Variants in SCD5 observed in about 807,000 individuals in gnomAD.
The protein encoded by SCD5 is acyl-CoA-desaturase 4.
In SCD5, 20 loss-of-function variants were observed where a neutral mutation model predicts 30.4. That is an observed-to-expected ratio of 0.66 (90% confidence interval 0.46 to 0.96). The LOEUF is 0.96. SCD5 is among the 40% of genes least tolerant of loss of function. The pLI is 0.00. For missense variants in SCD5, 381 were observed against 443.3 expected (o/e 0.86, Z 1.26); for synonymous variants, 173 against 176.4 (o/e 0.98, Z 0.16).
At chr4:82,737,001 G>T (rs1720765820) in intron 1 of SCD5, among the ~76,000 whole-genome samples, 1 of 151,906 alleles carries the variant, frequency 6.6e-6, no homozygotes, top group African/African-American at 2.4e-5. Flanking sequence ...TAATTTTTAG[G>T]GTTTTTTTTC....
At chr4:82,747,068 TG>T (rs1390159620) in intron 1 of SCD5, among the ~76,000 whole-genome samples, 114 of 81,288 alleles carry the variant, frequency 1.4e-3, no homozygotes, top group African/African-American at 3.2e-3. Flanking sequence ...CTGGGCAACC[TG>T]CCCCCCAAGA....
At chr4:82,793,298 G>A (rs546538448) in intron 1 of SCD5, among the ~76,000 whole-genome samples, 1 of 152,294 alleles carries the variant, frequency 6.6e-6, no homozygotes, top group East Asian at 1.9e-4. Flanking sequence ...GTAACTGGCT[G>A]TGCTCAAAAA....
chr4:82,779,864 C>T (rs1031884279), intron 1 of SCD5, among the ~76,000 whole-genome samples: 1 of 152,214 alleles, frequency 6.6e-6, no homozygotes, highest in African/African-American at 2.4e-5. Context: ...ACAGTGAGTC[C>T]ATCATCAAAC....
At chr4:82,721,589 G>A (rs1162184276) in intron 1 of SCD5, among the ~76,000 whole-genome samples, 1 of 152,202 alleles carries the variant, frequency 6.6e-6, no homozygotes, top group African/African-American at 2.4e-5. Flanking sequence ...CTCATAGGAA[G>A]AGGAAATTTA....
intron 4 of SCD5, among the ~76,000 whole-genome samples, chr4:82,634,686 C>T (rs1164817682): frequency 6.6e-6 from 1 of 152,160 alleles, no homozygotes; most frequent in East Asian, 1.9e-4. Flanking sequence ...ATAACCAATA[C>T]CTAGCTCCTT....
chr4:82,656,085 C>G (rs868614362), intron 3 of SCD5, among the ~76,000 whole-genome samples: 3 of 152,016 alleles, frequency 2.0e-5, no homozygotes, highest in Non-Finnish European at 2.9e-5. Flanking sequence ...TTTGATAAGA[C>G]TACTTATATA....
chr4:82,684,708 T>A (rs527288572), intron 2 of SCD5, among the ~76,000 whole-genome samples: 31 of 152,142 alleles, frequency 2.0e-4, no homozygotes, highest in African/African-American at 7.5e-4. Flanking sequence ...TGAATGGAGA[T>A]CAACTGTACT....
rs72925451 is a variant in SCD5, at chr4:82,796,311, G to C, written c.232+1995C>G. On this transcript the variant is annotated intron_variant, in intron 1 of 4. Coordinates refer to ENST00000319540, the MANE Select transcript of SCD5 (RefSeq NM_001037582.3). Reference sequence around the variant, plus strand: ...CTTAGGAAATAGCAGATGAAGCACAGGCAGAATTTATCCAGGAAGGTATGG... The same window carrying C: ...CTTAGGAAATAGCAGATGAAGCACACGCAGAATTTATCCAGGAAGGTATGG... 5.4e-3 allele frequency among the ~76,000 whole-genome samples: 816 copies of C among 151,942 alleles called. 13 individuals carry two copies. Among genetic ancestry groups the C allele is most frequent in the African/African-American group, 0.019 (784 of 41,408 alleles).
At chr4:82,761,701 G>C (rs1475900127) in intron 1 of SCD5, among the ~76,000 whole-genome samples, 1 of 151,950 alleles carries the variant, frequency 6.6e-6, no homozygotes, top group African/African-American at 2.4e-5. Flanking sequence ...TCTAGCATTA[G>C]GTATATCTCC....
intron 3 of SCD5, among the ~76,000 whole-genome samples, chr4:82,675,494 G>A: frequency 6.6e-6 from 1 of 152,084 alleles, no homozygotes; most frequent in East Asian, 1.9e-4. Context: ...TCTTCCCAAG[G>A]CACCAGAACA....
At chr4:82,709,586 G>A (rs536600597) in intron 1 of SCD5, among the ~76,000 whole-genome samples, 15 of 152,316 alleles carry the variant, frequency 9.8e-5, no homozygotes, top group Admixed American at 9.8e-4. Context: ...AAGGTCCAGA[G>A]GAGGCAAGAT....
chr4:82,680,266 G>A (rs1033224278), intron 3 of SCD5, among the ~76,000 whole-genome samples: 5 of 152,198 alleles, frequency 3.3e-5, no homozygotes, highest in Admixed American at 6.5e-5. Context: ...GCAGGGCAGA[G>A]GTTTCACTAC....
At chr4:82,661,846 G>T (rs1358856433) in intron 3 of SCD5, among the ~76,000 whole-genome samples, 1 of 152,132 alleles carries the variant, frequency 6.6e-6, no homozygotes, top group African/African-American at 2.4e-5. Flanking sequence ...TGAGAAATAC[G>T]CAACACACCC....
chr4:82,689,564 T>C (rs1300180617), intron 2 of SCD5, among the ~76,000 whole-genome samples: 1 of 152,138 alleles, frequency 6.6e-6, no homozygotes, highest in Non-Finnish European at 1.5e-5. Flanking sequence ...AAAATACCAA[T>C]TGACAAATGT....
At chr4:82,767,189 A>G (rs1247549320) in intron 1 of SCD5, among the ~76,000 whole-genome samples, 2 of 151,924 alleles carry the variant, frequency 1.3e-5, no homozygotes, top group Non-Finnish European at 2.9e-5. Flanking sequence ...ACTCAGCTAA[A>G]ATACTTGAAG....
intron 1 of SCD5, among the ~76,000 whole-genome samples, chr4:82,754,483 A>C (rs371680710): frequency 6.6e-6 from 1 of 152,286 alleles, no homozygotes; most frequent in African/African-American, 2.4e-5. Flanking sequence ...GGTGGTCCTA[A>C]GAGGGAGAGG....
At chr4:82,718,838 T>C (rs1260291615) in intron 1 of SCD5, among the ~76,000 whole-genome samples, 1 of 151,682 alleles carries the variant, frequency 6.6e-6, no homozygotes, top group African/African-American at 2.4e-5. Context: ...CTTTGCAGCA[T>C]ATTACAAGGC....
At chr4:82,751,262 C>G (rs1042595778) in intron 1 of SCD5, among the ~76,000 whole-genome samples, 5 of 152,092 alleles carry the variant, frequency 3.3e-5, no homozygotes, top group African/African-American at 1.2e-4. Flanking sequence ...GTGGCGTGAT[C>G]ATAGCTCACT....
At chr4:82,769,129 C>G (rs1008989918) in intron 1 of SCD5, among the ~76,000 whole-genome samples, 19 of 152,078 alleles carry the variant, frequency 1.2e-4, no homozygotes, top group African/African-American at 4.6e-4. Context: ...CATGGTCTCC[C>G]CTCAAGCACA....
Sources: gnomAD v4.1 joint callset for allele counts (sites outside exome capture counted in the v4.1 genomes callset) on GRCh38, gnomAD v4.1.1 for gene constraint, MANE v1.5 for transcripts, NCBI Gene and HGNC (gene_info 2026-07-23, HGNC 2026-07-21) for gene names.